SLC30A7: variants seen among roughly 807,000 people sequenced by gnomAD.
SLC30A7 encodes zinc transporter 7.
SLC30A7 carries 35 observed loss-of-function variants against 46.0 expected under a neutral mutation model. That is an observed-to-expected ratio of 0.76 (90% confidence interval 0.58 to 1.01). The LOEUF (loss-of-function observed/expected upper bound fraction) is 1.01, where lower values mean the gene tolerates loss of function less well. Among genes scored for constraint, SLC30A7 ranks in the 50% least tolerant of loss-of-function variants. The probability of loss-of-function intolerance (pLI) is 0.00; values close to 1 mark genes in which losing one functional copy is unlikely to be tolerated. For synonymous variants in SLC30A7, 147 were observed against 157.8 expected (o/e 0.93, Z 0.51); for missense variants, 464 against 451.1 (o/e 1.03, Z -0.26).
At chr1:100,905,866 A>C (rs1021992814) in intron 2 of SLC30A7, among the ~76,000 whole-genome samples, 7 of 152,178 alleles carry the variant, frequency 4.6e-5, no homozygotes, top group African/African-American at 7.2e-5. Context: ...TAATAGTTCC[A>C]ACATTGGGGC....
At chr1:100,940,962 C>A in intron 8 of SLC30A7, 1 of 388,552 alleles carries the variant, frequency 2.6e-6, no homozygotes, top group Admixed American at 2.8e-5. Flanking sequence ...CCTGTAGTTT[C>A]CCTGTCACTT....
In SLC30A7 at chr1:100,896,159, A is replaced by C; in HGVS notation, c.-104A>C. On this transcript the variant is annotated 5_prime_UTR_variant, in exon 1 of 11. Transcript: ENST00000357650. ...CTCGCAGCGGCGCGCGGCCCCGGAC[A>C]AGCGCTGGGGATTCCCGTTTGAGGC... 102 of 918,756 alleles carry C rather than the reference A, an allele frequency of 1.1e-4. No individual in the cohort carries two copies. Among genetic ancestry groups the C allele is most frequent in the Non-Finnish European group, 1.6e-4 (91 of 561,966 alleles). 56.9% of individuals were successfully genotyped at this position (918,756 alleles called of 1,614,324 possible). A position where few individuals can be genotyped will look rare whatever the true frequency, so the allele number is the denominator to read the frequency against.
the SLC30A7 span, chr1:100,995,292 T>C: frequency 5.6e-6 from 3 of 539,868 alleles, no homozygotes; most frequent in South Asian, 6.7e-5. Flanking sequence ...TACAGTAACA[T>C]AGAGAAGAAT....
At chr1:100,963,674 A>G (rs933673148) in intron 9 of SLC30A7, among the ~76,000 whole-genome samples, 6 of 152,142 alleles carry the variant, frequency 3.9e-5, no homozygotes, top group Non-Finnish European at 5.9e-5. Context: ...GAAATGTTCT[A>G]TGATCTGCAC....
intron 8 of SLC30A7, among the ~76,000 whole-genome samples, chr1:100,924,021 C>A (rs60114998): frequency 0.015 from 2,265 of 152,296 alleles, 59 homozygotes; most frequent in African/African-American, 0.052. Context: ...TCCACTCTTA[C>A]TATTCTAATT....
chr1:100,908,413 A>G lies in SLC30A7; in HGVS notation c.296+1448A>G, dbSNP rs549022454. On this transcript the variant is annotated intron_variant, in intron 3 of 10. Coordinates refer to ENST00000357650, the MANE Select transcript of SLC30A7 (RefSeq NM_133496.5). ...GCCGGAACTTGTCTCTTGGGCAAACAGTTCTGTAAAAATACAATAATAGCT... is the reference window on the plus strand; with the variant it reads ...GCCGGAACTTGTCTCTTGGGCAAACGGTTCTGTAAAAATACAATAATAGCT... Among the ~76,000 whole-genome samples, 9 of 152,324 alleles carry G rather than the reference A, an allele frequency of 5.9e-5. No individual in the cohort carries two copies. In the South Asian group the frequency reaches 1.9e-3, roughly 32 times the overall value.
intron 8 of SLC30A7, among the ~76,000 whole-genome samples, chr1:100,946,375 G>A (rs554945016): frequency 6.6e-6 from 1 of 152,298 alleles, no homozygotes; most frequent in Non-Finnish European, 1.5e-5. Context: ...GGTTTTCAAA[G>A]GAAATGCTTC....
chr1:100,929,016 G>C (rs548215540), intron 8 of SLC30A7, among the ~76,000 whole-genome samples: 1 of 152,128 alleles, frequency 6.6e-6, no homozygotes, highest in African/African-American at 2.4e-5. Flanking sequence ...CAACACATAA[G>C]AAAAATTCTT....
chr1:100,935,751 TA>T (rs1326563322), intron 8 of SLC30A7, among the ~76,000 whole-genome samples: 1 of 152,208 alleles, frequency 6.6e-6, no homozygotes, highest in African/African-American at 2.4e-5. Flanking sequence ...ATTAAAGAGA[TA>T]CGGGTTTTTA....
At chr1:100,961,968 C>T in intron 9 of SLC30A7, 50 bp downstream of exon 9, 1 of 1,191,060 alleles carries the variant, frequency 8.4e-7, no homozygotes, top group Non-Finnish European at 1.2e-6. Context: ...TTTTCAATCT[C>T]TTGATTTTCA....
At chr1:100,988,773 C>T in the SLC30A7 span, among the ~76,000 whole-genome samples, 1 of 152,076 alleles carries the variant, frequency 6.6e-6, no homozygotes, top group Non-Finnish European at 1.5e-5. Flanking sequence ...TCGCTTGAAC[C>T]TGGGAGGCAG....
intron 8 of SLC30A7, among the ~76,000 whole-genome samples, chr1:100,923,581 C>T (rs1653096746): frequency 6.6e-6 from 1 of 151,984 alleles, no homozygotes; most frequent in Non-Finnish European, 1.5e-5. Flanking sequence ...AGTATAAGAC[C>T]AGCCTGGGCA....
chr1:100,984,724 A>G (rs1657170341), downstream of SLC30A7, among the ~76,000 whole-genome samples: 1 of 152,244 alleles, frequency 6.6e-6, no homozygotes, highest in Admixed American at 6.5e-5. Context: ...AACTCACAAC[A>G]TAATATTCAA....
chr1:100,909,346 T>C (rs752010952), intron 3 of SLC30A7, among the ~76,000 whole-genome samples: 13 of 152,134 alleles, frequency 8.5e-5, no homozygotes, highest in Non-Finnish European at 1.9e-4. Flanking sequence ...ATAAAAGTCA[T>C]CTTTGTGTCT....
intron 8 of SLC30A7, among the ~76,000 whole-genome samples, chr1:100,956,031 T>C (rs900915679): frequency 6.6e-6 from 1 of 151,974 alleles, no homozygotes; most frequent in Non-Finnish European, 1.5e-5. Context: ...AAATTCTACC[T>C]AAAAAGACAA....
chr1:100,920,711 A>G (rs1290885002), intron 7 of SLC30A7, among the ~76,000 whole-genome samples: 2 of 152,012 alleles, frequency 1.3e-5, no homozygotes, highest in African/African-American at 4.8e-5. Context: ...TTATATACCT[A>G]AAAATAATTA....
At chr1:100,937,476 GT>G (rs1325076169) in intron 8 of SLC30A7, among the ~76,000 whole-genome samples, 1 of 151,856 alleles carries the variant, frequency 6.6e-6, no homozygotes, top group South Asian at 2.1e-4. Flanking sequence ...TTTTATTTTT[GT>G]TTTTTGTTTC....
the SLC30A7 span, among the ~76,000 whole-genome samples, chr1:100,994,673 C>T: frequency 2.0e-5 from 3 of 151,982 alleles, no homozygotes; most frequent in Non-Finnish European, 2.9e-5. Flanking sequence ...ATTAAAGGCA[C>T]GTGCCACCAC....
intron 8 of SLC30A7, among the ~76,000 whole-genome samples, chr1:100,958,409 C>T (rs536592211): frequency 2.6e-5 from 4 of 152,304 alleles, no homozygotes; most frequent in South Asian, 2.1e-4. Context: ...ATCCCCTGAC[C>T]TCATGATCCA....
Sources: gnomAD v4.1 joint callset for allele counts (sites outside exome capture counted in the v4.1 genomes callset) on GRCh38, gnomAD v4.1.1 for gene constraint, MANE v1.5 for transcripts, NCBI Gene and HGNC (gene_info 2026-07-23, HGNC 2026-07-21) for gene names.